FSTL5: variants seen among roughly 807,000 people sequenced by gnomAD.
The protein encoded by FSTL5 is follistatin like 5, also known as follistatin-related protein 5.
A neutral mutation model predicts 89.1 loss-of-function variants in FSTL5; 62 were observed. The observed-to-expected ratio is 0.70, with a 90% confidence interval of 0.57 to 0.86. The LOEUF is 0.86. Among genes scored for constraint, FSTL5 ranks in the 40% least tolerant of loss-of-function variants. The pLI is 0.00. For missense variants in FSTL5, 1,057 were observed against 1,001.6 expected (o/e 1.06, Z -0.75); for synonymous variants, 383 against 346.2 (o/e 1.11, Z -1.18).
chr4:161,711,464 A>C (rs1441888991), intron 6 of FSTL5, among the ~76,000 whole-genome samples: 1 of 152,084 alleles, frequency 6.6e-6, no homozygotes, highest in African/African-American at 2.4e-5. Flanking sequence ...TCAATTAAGA[A>C]ACAAAAAACT....
At chr4:161,604,551 T>A (rs75809056) in intron 7 of FSTL5, among the ~76,000 whole-genome samples, 2,223 of 152,262 alleles carry the variant, frequency 0.015, 53 homozygotes, top group African/African-American at 0.049. Flanking sequence ...GGCTCTTCTC[T>A]AGCACTATTG....
In FSTL5 at chr4:161,542,674, C is replaced by T; in HGVS notation, c.1035G>A (p.Val345=). Residue 345 remains valine (V), a synonymous_variant, in exon 9 of 16, where the codon GTG becomes GTA. Transcript: ENST00000306100. ...FQVNVPPVIR[V]YPESQAREPG... ...GCTCTCTAGCCTGACTCTCTGGATA[C>T]ACCCGGATGACTGGAGGAACTAAAG... 2 of 1,490,058 alleles carry T rather than the reference C, an allele frequency of 1.3e-6. No homozygotes were observed. The highest frequency in any genetic ancestry group is 1.5e-5 in the South Asian group (1 of 68,546). 92.3% of individuals were successfully genotyped at this position (1,490,058 alleles called of 1,614,324 possible).
intron 4 of FSTL5, among the ~76,000 whole-genome samples, chr4:161,892,428 T>C (rs1733017288): frequency 6.6e-6 from 1 of 152,046 alleles, no homozygotes; most frequent in South Asian, 2.1e-4. Flanking sequence ...TTAGTTAATT[T>C]TATATTTTAT....
Position 161,873,780 on chromosome 4 carries a change from C to T in FSTL5, c.409+46624G>A, listed in dbSNP as rs565026353. On this transcript the variant is annotated intron_variant, in intron 4 of 15. Coordinates refer to ENST00000306100, the MANE Select transcript of FSTL5 (RefSeq NM_020116.5). ...ATATACTAGATATGTTTTAATTTTG[C>T]ATTTTTAACTTTATGGAAAATAAAT... is the stretch of plus-strand genomic sequence containing the variant. 4.4e-4 allele frequency among the ~76,000 whole-genome samples: 66 copies of T among 151,446 alleles called. 2 individuals are homozygous for T. The highest frequency in any genetic ancestry group is 6.8e-3 in the Middle Eastern group (2 of 292).
intron 6 of FSTL5, among the ~76,000 whole-genome samples, chr4:161,657,950 G>A (rs1457761467): frequency 6.6e-6 from 1 of 152,090 alleles, no homozygotes; most frequent in Non-Finnish European, 1.5e-5. Context: ...TCATTGTTTT[G>A]TGTTGTCCAA....
intron 4 of FSTL5, among the ~76,000 whole-genome samples, chr4:161,819,244 TAA>T (rs1317023941): frequency 6.6e-6 from 1 of 152,116 alleles, no homozygotes; most frequent in Non-Finnish European, 1.5e-5. Context: ...GATCAGAACT[TAA>T]AGTCTTTAAT....
intron 4 of FSTL5, among the ~76,000 whole-genome samples, chr4:161,902,618 C>G (rs945478414): frequency 1.3e-5 from 2 of 151,946 alleles, no homozygotes; most frequent in African/African-American, 4.8e-5. Flanking sequence ...GAGGCCGAGG[C>G]GGGAGGATCA....
At chr4:161,744,463 T>C (rs1740125372) in intron 6 of FSTL5, among the ~76,000 whole-genome samples, 3 of 152,140 alleles carry the variant, frequency 2.0e-5, no homozygotes, top group Admixed American at 2.0e-4. Flanking sequence ...TAATTTTATG[T>C]CTATACATTT....
chr4:161,441,328 ATTAC>A (rs139283913), intron 15 of FSTL5, among the ~76,000 whole-genome samples: 12,615 of 152,154 alleles, frequency 0.083, 724 homozygotes, highest in African/African-American at 0.16. Context: ...AGCTTTATAA[ATTAC>A]TTAATAAGTA....
At chr4:161,560,160 C>G (rs1359377433) in intron 8 of FSTL5, among the ~76,000 whole-genome samples, 3 of 151,676 alleles carry the variant, frequency 2.0e-5, no homozygotes, top group Non-Finnish European at 2.9e-5. Flanking sequence ...GATTGGACAC[C>G]CCTGCTGTAG....
At chr4:161,936,440 G>A (rs1293572278) in intron 3 of FSTL5, among the ~76,000 whole-genome samples, 1 of 152,148 alleles carries the variant, frequency 6.6e-6, no homozygotes, top group Non-Finnish European at 1.5e-5. Context: ...CAAGGATGAA[G>A]AGAACTGGAG....
intron 7 of FSTL5, among the ~76,000 whole-genome samples, chr4:161,605,859 A>G (rs1578961193): frequency 6.6e-6 from 1 of 151,258 alleles, no homozygotes; most frequent in East Asian, 1.9e-4. Flanking sequence ...CTGGTCTTCT[A>G]TTTTTTTGAC....
intron 1 of FSTL5, among the ~76,000 whole-genome samples, chr4:162,128,633 G>C (rs1043884175): frequency 4.6e-5 from 7 of 152,068 alleles, no homozygotes; most frequent in Non-Finnish European, 7.4e-5. Flanking sequence ...AGCCTAAATG[G>C]ACTGAGACAG....
chr4:161,727,809 T>A (rs1739471939), intron 6 of FSTL5, among the ~76,000 whole-genome samples: 1 of 152,140 alleles, frequency 6.6e-6, no homozygotes, highest in Non-Finnish European at 1.5e-5. Context: ...AGAGAAGGCT[T>A]TCTGGAAAGC....
At chr4:162,015,687 A>G (rs1399563156) in intron 3 of FSTL5, among the ~76,000 whole-genome samples, 1 of 152,154 alleles carries the variant, frequency 6.6e-6, no homozygotes, top group Non-Finnish European at 1.5e-5. Flanking sequence ...CAAATAACTA[A>G]CTAGTCATAA....
chr4:161,537,013 T>G (rs567155938), intron 10 of FSTL5, among the ~76,000 whole-genome samples: 1 of 152,254 alleles, frequency 6.6e-6, no homozygotes, highest in Non-Finnish European at 1.5e-5. Flanking sequence ...GCTTTTTTTC[T>G]CTTTTTTCAA....
intron 5 of FSTL5, among the ~76,000 whole-genome samples, chr4:161,762,588 C>A (rs1335379235): frequency 6.6e-6 from 1 of 151,950 alleles, no homozygotes; most frequent in Non-Finnish European, 1.5e-5. Context: ...TATCTCATAC[C>A]ATTTTACCTC....
Position 161,500,057 on chromosome 4 carries a change from G to A in FSTL5, c.1417C>T (p.Gln473Ter), listed in dbSNP as rs753021822. The A allele has an allele frequency of 1.2e-6, 2 of 1,610,594 alleles. No homozygotes were observed. The highest frequency in any genetic ancestry group is 1.7e-6 in the Non-Finnish European group (2 of 1,177,750). The change falls in exon 12 of 16, where the codon CAG (glutamine) becomes TAG (stop). Residue 473 changes from glutamine to a stop codon, truncating the protein, a stop_gained. Coordinates refer to ENST00000306100, the MANE Select transcript of FSTL5 (RefSeq NM_020116.5). LOFTEE classifies it high-confidence loss of function. ...TTTTCACTAGGCTTAATGTGCCTCT[G>A]AAATTCACATTCTATGGGTTGTATC... ...KVIQPIECEF[Q>*]RHIKPSEKLL... is the part of the protein sequence containing the mutation.
chr4:162,085,364 A>T (rs970139501), intron 2 of FSTL5, among the ~76,000 whole-genome samples: 8 of 152,146 alleles, frequency 5.3e-5, no homozygotes, highest in African/African-American at 1.9e-4. Context: ...AAATTCTTTA[A>T]ATCACTAAAA....
Sources: gnomAD v4.1 joint callset for allele counts (sites outside exome capture counted in the v4.1 genomes callset) on GRCh38, gnomAD v4.1.1 for gene constraint, MANE v1.5 for transcripts, NCBI Gene and HGNC (gene_info 2026-07-23, HGNC 2026-07-21) for gene names.